The following RTL4 variants were observed in gnomAD, a reference collection of about 807,000 sequenced individuals.
RTL4 encodes the protein retrotransposon Gag-like protein 4.
RTL4 carries 4 observed loss-of-function variants against 5.3 expected under a neutral mutation model. The ratio of observed to expected loss-of-function variants is 0.75; its 90% CI spans 0.37 to 1.72. RTL4 has a LOEUF of 1.72. RTL4 is among the 40% of genes most tolerant of loss of function. The probability of loss-of-function intolerance (pLI) is 0.04; values close to 1 mark genes in which losing one functional copy is unlikely to be tolerated. For missense variants in RTL4, 260 were observed against 227.1 expected, an observed-to-expected ratio of 1.14 and a Z score of -0.93; for synonymous variants, 98 against 87.3, an observed-to-expected ratio of 1.12 and a Z score of -0.68.
chrX:112,294,179 A>T, the RTL4 span, among the ~76,000 whole-genome samples: 1 of 112,011 alleles, frequency 8.9e-6, no homozygotes, highest in East Asian at 2.8e-4. Flanking sequence ...TCTGGTCTAG[A>T]TGAATTTTGT....
At chrX:112,420,615 C>A in the RTL4 span, among the ~76,000 whole-genome samples, 1 of 111,646 alleles carries the variant, frequency 9.0e-6, no homozygotes, top group Non-Finnish European at 1.9e-5. Flanking sequence ...TGATTTCATG[C>A]AGTCTTTGTG....
the RTL4 span, among the ~76,000 whole-genome samples, chrX:112,294,769 T>C: frequency 8.9e-6 from 1 of 112,307 alleles, no homozygotes; most frequent in East Asian, 2.8e-4. Context: ...TTTGAAATTT[T>C]CTTGGTGTTT....
the RTL4 span, among the ~76,000 whole-genome samples, chrX:112,146,903 A>G: frequency 7.6e-5 from 8 of 105,095 alleles, no homozygotes; most frequent in Non-Finnish European, 1.5e-4. Flanking sequence ...TGGTAATAGT[A>G]AGCAATATTT....
the RTL4 span, among the ~76,000 whole-genome samples, chrX:112,261,991 G>A: frequency 9.0e-6 from 1 of 110,745 alleles, no homozygotes; most frequent in East Asian, 2.8e-4. Context: ...GCTAGCCATA[G>A]GTAGAAAGCT....
At chrX:112,149,512 A>G in the RTL4 span, among the ~76,000 whole-genome samples, 1 of 111,533 alleles carries the variant, frequency 9.0e-6, no homozygotes, top group Admixed American at 9.5e-5. Context: ...CAGAGGGTAT[A>G]GGACAAGCAC....
the RTL4 span, among the ~76,000 whole-genome samples, chrX:112,368,475 A>C: frequency 1.8e-5 from 2 of 111,245 alleles, no homozygotes; most frequent in Admixed American, 1.9e-4. Flanking sequence ...TGTTAACTAG[A>C]TAATTGGTTC....
chrX:112,375,452 C>G, the RTL4 span, among the ~76,000 whole-genome samples: 1 of 111,322 alleles, frequency 9.0e-6, no homozygotes, highest in Admixed American at 9.6e-5. Context: ...TCAGAAAGAA[C>G]TGGGCCTCTT....
At chrX:112,182,730 T>A in the RTL4 span, among the ~76,000 whole-genome samples, 1 of 112,211 alleles carries the variant, frequency 8.9e-6, no homozygotes, top group Non-Finnish European at 1.9e-5. Context: ...TGGAACCAAG[T>A]TGGAAAACAC....
At chrX:112,408,205 A>G in the RTL4 span, among the ~76,000 whole-genome samples, 1 of 111,584 alleles carries the variant, frequency 9.0e-6, no homozygotes, top group African/African-American at 3.3e-5. Context: ...GACCTTTCAG[A>G]TAGATAATTT....
the RTL4 span, among the ~76,000 whole-genome samples, chrX:112,233,881 A>G: frequency 8.9e-6 from 1 of 111,894 alleles, no homozygotes; most frequent in African/African-American, 3.3e-5. Context: ...AGTGACATGG[A>G]TGCCAATTTG....
chrX:112,440,561 G>T, the RTL4 span, among the ~76,000 whole-genome samples: 1 of 112,163 alleles, frequency 8.9e-6, no homozygotes, highest in Non-Finnish European at 1.9e-5. Flanking sequence ...ATCAGGGCTA[G>T]AGGGTGTTGG....
the RTL4 span, among the ~76,000 whole-genome samples, chrX:112,182,297 C>T: frequency 9.0e-6 from 1 of 111,720 alleles, no homozygotes; most frequent in Non-Finnish European, 1.9e-5. Context: ...ATCATAACTC[C>T]TTACAAGCAA....
At chrX:112,185,375 T>A in the RTL4 span, among the ~76,000 whole-genome samples, 33 of 70,914 alleles carry the variant, frequency 4.7e-4, no homozygotes, top group African/African-American at 2.2e-3. Context: ...GCTATTTTAT[T>A]AATATATATA....
At chrX:112,333,006 T>C in the RTL4 span, among the ~76,000 whole-genome samples, 2 of 110,876 alleles carry the variant, frequency 1.8e-5, no homozygotes, top group South Asian at 7.7e-4. Flanking sequence ...TTGTCTATAA[T>C]AAAAATTTTT....
chrX:112,403,277 C>G, the RTL4 span, among the ~76,000 whole-genome samples: 1 of 111,931 alleles, frequency 8.9e-6, no homozygotes, highest in Non-Finnish European at 1.9e-5. Flanking sequence ...GTTTGTTGTG[C>G]GTAGGAACCA....
chrX:112,347,256 C>A, the RTL4 span, among the ~76,000 whole-genome samples: 3 of 111,350 alleles, frequency 2.7e-5, no homozygotes, highest in Non-Finnish European at 5.7e-5. Flanking sequence ...TCTACAAATA[C>A]CATCACTATC....
the RTL4 span, among the ~76,000 whole-genome samples, chrX:112,129,605 G>T: frequency 1.8e-5 from 2 of 112,203 alleles, no homozygotes; most frequent in East Asian, 5.6e-4. Context: ...AACAATGCAA[G>T]GATATAATTT....
the RTL4 span, among the ~76,000 whole-genome samples, chrX:112,213,500 G>C: frequency 8.9e-6 from 1 of 112,546 alleles, no homozygotes; most frequent in African/African-American, 3.2e-5. Flanking sequence ...CAGTTGAATA[G>C]CTGAGTCCAG....
chrX:112,084,387 T>A, the RTL4 span, among the ~76,000 whole-genome samples: 1 of 109,366 alleles, frequency 9.1e-6, no homozygotes, highest in Admixed American at 9.7e-5. Context: ...CCCTGGGGGA[T>A]GAAGAGTTTG....
Sources: allele counts gnomAD v4.1 joint callset (sites outside exome capture counted in the v4.1 genomes callset), GRCh38; gene constraint gnomAD v4.1.1; transcripts MANE v1.5; gene names NCBI Gene and HGNC (gene_info 2026-07-23, HGNC 2026-07-21).